The following PRSS48 variants were observed in gnomAD, a reference collection of about 807,000 sequenced individuals.
The protein encoded by PRSS48 is epidermis-specific serine protease-like protein.
Under a neutral mutation model 25.6 loss-of-function variants are expected in PRSS48, and 21 were observed. The observed-to-expected ratio is 0.82, with a 90% CI of 0.58 to 1.18. PRSS48 has a LOEUF of 1.18. PRSS48 is among the 50% of genes most tolerant of loss of function. The pLI is 0.00. For missense variants in PRSS48, 373 were observed against 399.3 expected (o/e 0.93, Z 0.56); for synonymous variants, 150 against 149.3 (o/e 1.00, Z -0.04).
chr4:151,279,507 G>A (rs567992196), intron 1 of PRSS48, among the ~76,000 whole-genome samples: 1 of 152,192 alleles, frequency 6.6e-6, no homozygotes, highest in Non-Finnish European at 1.5e-5. Context: ...AAGGTTCTCT[G>A]TTCAGTGAAT....
chr4:151,288,897 G>A (rs1262098159), intron 4 of PRSS48, among the ~76,000 whole-genome samples: 1 of 152,158 alleles, frequency 6.6e-6, no homozygotes, highest in East Asian at 1.9e-4. Flanking sequence ...AAATTGGCAA[G>A]CTGATCCTAA....
chr4:151,286,742 G>A (rs1176565899), intron 4 of PRSS48, among the ~76,000 whole-genome samples: 1 of 151,844 alleles, frequency 6.6e-6, no homozygotes, highest in Non-Finnish European at 1.5e-5. Context: ...TACTTTAGGA[G>A]GCCAAGGCGG....
chr4:151,286,982 A>AAATAATAATGATAATAATAAT (rs1774855418), intron 4 of PRSS48, among the ~76,000 whole-genome samples: 1 of 141,834 alleles, frequency 7.1e-6, no homozygotes, highest in African/African-American at 2.6e-5. Flanking sequence ...TCTGTCTCAA[A>AAATAATAATGATAATAATAAT]AATAATAATA....
intron 4 of PRSS48, among the ~76,000 whole-genome samples, chr4:151,289,610 T>A (rs999092391): frequency 6.6e-6 from 1 of 152,202 alleles, no homozygotes; most frequent in Middle Eastern, 3.2e-3. Context: ...TATAAAGATA[T>A]GCAAATGTAG....
intron 2 of PRSS48, 142 bp downstream of exon 2, chr4:151,280,100 G>A (rs1215474566): frequency 4.9e-5 from 47 of 963,392 alleles, no homozygotes; most frequent in Non-Finnish European, 5.6e-5. Context: ...TATCAAACCC[G>A]AAACAACTAG....
chr4:151,286,982 A>AAAAAATAAT (rs1554067297), intron 4 of PRSS48, among the ~76,000 whole-genome samples: 1 of 141,834 alleles, frequency 7.1e-6, no homozygotes, highest in African/African-American at 2.6e-5. Context: ...TCTGTCTCAA[A>AAAAAATAAT]AATAATAATA....
At chr4:151,277,451 T>C (rs535690367) in intron 1 of PRSS48, among the ~76,000 whole-genome samples, 1 of 152,034 alleles carries the variant, frequency 6.6e-6, no homozygotes, top group East Asian at 1.9e-4. Context: ...GGACTTATAA[T>C]CAATGCACAT....
At chr4:151,285,823 C>T (rs1017449236) in intron 4 of PRSS48, among the ~76,000 whole-genome samples, 10 of 151,988 alleles carry the variant, frequency 6.6e-5, no homozygotes, top group African/African-American at 2.2e-4. Flanking sequence ...GCTATGATCA[C>T]ACCACTGCAC....
chr4:151,284,949 T>C (rs1278826980), intron 4 of PRSS48, among the ~76,000 whole-genome samples: 1 of 152,204 alleles, frequency 6.6e-6, no homozygotes, highest in Non-Finnish European at 1.5e-5. Context: ...GGCTCTCTCC[T>C]TTCTGGTATA....
chr4:151,284,954 G>A (rs1774600356), intron 4 of PRSS48, among the ~76,000 whole-genome samples: 1 of 152,068 alleles, frequency 6.6e-6, no homozygotes, highest in Admixed American at 6.6e-5. Flanking sequence ...TCTCCTTTCT[G>A]GTATATTTCC....
chr4:151,288,684 G>T (rs921489341), intron 4 of PRSS48, among the ~76,000 whole-genome samples: 3 of 150,124 alleles, frequency 2.0e-5, no homozygotes, highest in African/African-American at 7.3e-5. Flanking sequence ...AAAAAAAAAA[G>T]AAAAAAGAAA....
At chr4:151,288,756 T>C (rs990130929) in intron 4 of PRSS48, among the ~76,000 whole-genome samples, 3 of 152,046 alleles carry the variant, frequency 2.0e-5, no homozygotes, top group Non-Finnish European at 4.4e-5. Flanking sequence ...AAGAAAACAA[T>C]ATTCCATTTA....
chr4:151,280,242 A>G (rs942635255), intron 2 of PRSS48, among the ~76,000 whole-genome samples: 11 of 152,186 alleles, frequency 7.2e-5, no homozygotes, highest in Non-Finnish European at 1.2e-4. Flanking sequence ...TCATAAACAC[A>G]ATCTGAGCTC....
At chr4:151,279,650 G>T in intron 1 of PRSS48, 146 bp from the exon 2 acceptor site, 3 of 690,584 alleles carry the variant, frequency 4.3e-6, no homozygotes, top group Non-Finnish European at 7.3e-6. Context: ...AGACTGCTGG[G>T]TGTGGAACCA....
intron 4 of PRSS48, among the ~76,000 whole-genome samples, chr4:151,288,467 C>T (rs1775028672): frequency 6.6e-6 from 1 of 152,106 alleles, no homozygotes; most frequent in Non-Finnish European, 1.5e-5. Flanking sequence ...CAACTGTAGG[C>T]TGGGGGCAGT....
intron 4 of PRSS48, among the ~76,000 whole-genome samples, chr4:151,285,141 A>G (rs1174528125): frequency 6.6e-6 from 1 of 152,178 alleles, no homozygotes; most frequent in Non-Finnish European, 1.5e-5. Flanking sequence ...GATTGACTCT[A>G]GTTTCTGCCT....
At chr4:151,277,894 A>G (rs1426483804) in intron 1 of PRSS48, among the ~76,000 whole-genome samples, 1 of 152,090 alleles carries the variant, frequency 6.6e-6, no homozygotes, top group Admixed American at 6.6e-5. Flanking sequence ...TACAAAAATT[A>G]GCCGGGCGTG....
At chr4:151,284,837 T>C (rs1181279590) in intron 4 of PRSS48, among the ~76,000 whole-genome samples, 4 of 152,194 alleles carry the variant, frequency 2.6e-5, no homozygotes, top group Non-Finnish European at 4.4e-5. Context: ...ATTTTAGCCT[T>C]AGCTGAGCTG....
intron 4 of PRSS48, 69 bp downstream of exon 4, chr4:151,283,355 TG>T: frequency 1.4e-6 from 2 of 1,451,972 alleles, no homozygotes; most frequent in Non-Finnish European, 1.9e-6. Flanking sequence ...TTTTCCTATC[TG>T]TAAATAACAG....
Sources: gnomAD v4.1 joint callset for allele counts (sites outside exome capture counted in the v4.1 genomes callset) on GRCh38, gnomAD v4.1.1 for gene constraint, MANE v1.5 for transcripts, NCBI Gene and HGNC (gene_info 2026-07-23, HGNC 2026-07-21) for gene names.